Variants in CRCP observed in about 807,000 individuals in gnomAD.
CRCP encodes the protein CGRP receptor component.
Under a neutral mutation model 18.5 loss-of-function variants are expected in CRCP, and 18 were observed. The observed-to-expected ratio is 0.97, with a 90% CI of 0.67 to 1.44. The LOEUF is 1.44. Among genes scored for constraint, CRCP ranks in the 40% most tolerant of loss-of-function variants. The probability of loss-of-function intolerance (pLI) is 0.00; values close to 1 mark genes in which losing one functional copy is unlikely to be tolerated. For missense variants in CRCP, 130 were observed against 176.4 expected (o/e 0.74, Z 1.49); for synonymous variants, 53 against 62.9 (o/e 0.84, Z 0.75).
At chr7:66,120,054 C>T (rs952314187) in intron 1 of CRCP, among the ~76,000 whole-genome samples, 1 of 151,590 alleles carries the variant, frequency 6.6e-6, no homozygotes, top group Non-Finnish European at 1.5e-5. Context: ...CTGTGGCGGG[C>T]GCCCGTAGTC....
At chr7:66,149,006 C>T (rs1562773515) in intron 5 of CRCP, among the ~76,000 whole-genome samples, 1 of 152,166 alleles carries the variant, frequency 6.6e-6, no homozygotes, top group Non-Finnish European at 1.5e-5. Flanking sequence ...TTAGGTTTGG[C>T]GACTTCAAGT....
At position 66,114,882 on chromosome 7, in the gene CRCP, C is replaced by G. The variant is rs753554431; in HGVS notation, c.-81C>G. On this transcript the variant is annotated 5_prime_UTR_variant, in exon 1 of 6. Coordinates refer to ENST00000395326, the MANE Select transcript of CRCP (RefSeq NM_014478.5). ...TTGGCGCGCGGAGCTGGCACCTTGGCGCTGTTGGTGGCGGCGGAGACAGCT... is the reference window on the plus strand; with the variant it reads ...TTGGCGCGCGGAGCTGGCACCTTGGGGCTGTTGGTGGCGGCGGAGACAGCT... 1 of 1,608,322 alleles carries G rather than the reference C, an allele frequency of 6.2e-7. No individual in the cohort carries two copies. Among genetic ancestry groups the G allele is most frequent in the Non-Finnish European group, 8.5e-7 (1 of 1,175,638 alleles).
At chr7:66,151,589 C>T (rs1293435797) in intron 5 of CRCP, among the ~76,000 whole-genome samples, 1 of 151,324 alleles carries the variant, frequency 6.6e-6, no homozygotes, top group Non-Finnish European at 1.5e-5. Context: ...AAAAAAATTA[C>T]AGATGTGCTT....
chr7:66,147,605 C>T (rs1022437017), intron 5 of CRCP, among the ~76,000 whole-genome samples: 2 of 152,150 alleles, frequency 1.3e-5, no homozygotes, highest in Admixed American at 1.3e-4. Flanking sequence ...GTTTCCTTCT[C>T]GTTTCTACAA....
chr7:66,132,354 C>T (rs419603), intron 3 of CRCP, among the ~76,000 whole-genome samples: 15,839 of 152,164 alleles, frequency 0.1, 1,006 homozygotes, highest in South Asian at 0.2. Flanking sequence ...CTTCCATGAC[C>T]TTGACACTTC....
chr7:66,143,562 T>G (rs1788201372), intron 4 of CRCP, among the ~76,000 whole-genome samples: 1 of 151,932 alleles, frequency 6.6e-6, no homozygotes, highest in East Asian at 1.9e-4. Context: ...CTCTGTGGAG[T>G]CTCCCTCCTT....
chr7:66,123,451 CT>C (rs764420220), intron 1 of CRCP, among the ~76,000 whole-genome samples: 2 of 151,932 alleles, frequency 1.3e-5, no homozygotes, highest in African/African-American at 2.4e-5. Flanking sequence ...TCTAATAGCT[CT>C]AAAAAACTTT....
chr7:66,125,397 A>G (rs1787590562), intron 1 of CRCP, among the ~76,000 whole-genome samples: 1 of 149,508 alleles, frequency 6.7e-6, no homozygotes, highest in Non-Finnish European at 1.5e-5. Flanking sequence ...ATTTTATTAA[A>G]TAAGGAAAGG....
chr7:66,139,682 A>G (rs534424638), intron 4 of CRCP, among the ~76,000 whole-genome samples: 24 of 152,108 alleles, frequency 1.6e-4, no homozygotes, highest in African/African-American at 5.3e-4. Context: ...TGGTTTTGAA[A>G]CCCACTCTGG....
At chr7:66,118,570 G>T (rs1346858303) in intron 1 of CRCP, among the ~76,000 whole-genome samples, 1 of 152,114 alleles carries the variant, frequency 6.6e-6, no homozygotes, top group Non-Finnish European at 1.5e-5. Context: ...CAGCGTCTTT[G>T]GGGGATTGGT....
At chr7:66,124,508 CTCCCTTCCTTCCTTCCTCCCTCCT>C (rs1468413864) in intron 1 of CRCP, among the ~76,000 whole-genome samples, 1 of 149,372 alleles carries the variant, frequency 6.7e-6, no homozygotes, top group Non-Finnish European at 1.5e-5. Context: ...CCCTCCCTCC[CTCCCTTCCTTCCTTCCTCCCTCCT>C]TCCCTTCCTT....
At chr7:66,150,924 G>A (rs1224090202) in intron 5 of CRCP, 2 of 152,164 alleles carry the variant, frequency 1.3e-5, no homozygotes, top group African/African-American at 2.4e-5. Context: ...AATTAGGGGC[G>A]AAGCTAAGGA....
chr7:66,135,610 A>G (rs1393162171), intron 4 of CRCP, among the ~76,000 whole-genome samples: 1 of 152,182 alleles, frequency 6.6e-6, no homozygotes, highest in Non-Finnish European at 1.5e-5. Context: ...CATGAGGAAC[A>G]AATCTTAATG....
At chr7:66,135,979 C>G (rs1014277331) in intron 4 of CRCP, among the ~76,000 whole-genome samples, 1 of 152,030 alleles carries the variant, frequency 6.6e-6, no homozygotes, top group African/African-American at 2.4e-5. Context: ...TCGCATCAAC[C>G]CCACTCCCAG....
chr7:66,132,771 G>A (rs1004235197), intron 3 of CRCP, among the ~76,000 whole-genome samples: 1 of 151,820 alleles, frequency 6.6e-6, no homozygotes, highest in Non-Finnish European at 1.5e-5. Flanking sequence ...TTAGCCGGGC[G>A]TAGTGGCGGG....
At position 66,151,508 on chromosome 7, in the gene CRCP, G is replaced by T. The variant is rs1181522007; in HGVS notation, c.298-700G>T. The stretch of plus-strand genomic sequence containing the variant: ...TGCTTGAACCTGAGAGGCGGAGGTT[G>T]CAGTGAGCCGAGATTGTGCCACTGC... On this transcript the variant is annotated intron_variant, in intron 5 of 5. Transcript: ENST00000395326. Among the ~76,000 whole-genome samples the T allele has an allele frequency of 2.0e-5, 3 of 152,054 alleles. No individual in the cohort carries two copies. In the East Asian group the frequency reaches 5.8e-4, roughly 29 times the overall value.
At position 66,130,744 on chromosome 7, in the gene CRCP, G is replaced by A. The variant is rs1187791317; in HGVS notation, c.46G>A (p.Val16Ile). 3 of 1,579,468 alleles carry A rather than the reference G, an allele frequency of 1.9e-6. No homozygotes were observed. Among genetic ancestry groups the A allele is most frequent in the Admixed American group, 1.7e-5 (1 of 59,614 alleles). The change falls in exon 3 of 6, where the codon GTA becomes ATA. Residue 16 changes from valine to isoleucine, a missense_variant and splice_region_variant. By Grantham distance (29) the Val-to-Ile change is conservative. Transcript: ENST00000395326. The stretch of plus-strand genomic sequence containing the variant: ...ACGTCTTTTTTGTATCTCCTCCTAG[G>A]TATTTCAGTTACTAACTGATCTGAA... ...ANSALLSNYEVFQLLTDLKEQ... is the reference protein window; with the variant it reads ...ANSALLSNYEIFQLLTDLKEQ...
At chr7:66,132,697 C>T (rs1787844303) in intron 3 of CRCP, among the ~76,000 whole-genome samples, 1 of 152,030 alleles carries the variant, frequency 6.6e-6, no homozygotes, top group African/African-American at 2.4e-5. Context: ...AGGCGGATCA[C>T]AAGGTCAGGA....
intron 4 of CRCP, among the ~76,000 whole-genome samples, chr7:66,138,099 C>T (rs1584087501): frequency 6.6e-6 from 1 of 152,354 alleles, no homozygotes; most frequent in East Asian, 1.9e-4. Flanking sequence ...CTCTTGGCTA[C>T]AAATTCTCTT....
Sources: gnomAD v4.1 joint callset for allele counts (sites outside exome capture counted in the v4.1 genomes callset) on GRCh38, gnomAD v4.1.1 for gene constraint, MANE v1.5 for transcripts, NCBI Gene and HGNC (gene_info 2026-07-23, HGNC 2026-07-21) for gene names.